The following NAA60 variants were observed in gnomAD, a reference collection of about 807,000 sequenced individuals.
NAA60 encodes the protein N-alpha-acetyltransferase 60, NatF catalytic subunit.
In NAA60, 8 loss-of-function variants were observed where a neutral mutation model predicts 26.1. The observed-to-expected ratio is 0.31, with a 90% CI of 0.18 to 0.55. The LOEUF is 0.55. Among genes scored for constraint, NAA60 ranks in the 20% least tolerant of loss-of-function variants. The probability of loss-of-function intolerance (pLI) is 0.93; values close to 1 mark genes in which losing one functional copy is unlikely to be tolerated. For missense variants in NAA60, 290 were observed against 311.3 expected, an observed-to-expected ratio of 0.93 and a Z score of 0.51; for synonymous variants, 131 against 122.5, an observed-to-expected ratio of 1.07 and a Z score of -0.46.
chr16:3,479,347 C>A, intron 3 of NAA60, 124 bp from the exon 4 acceptor site: 1 of 951,020 alleles, frequency 1.1e-6, no homozygotes, highest in Non-Finnish European at 1.6e-6. Flanking sequence ...TGGGCACACT[C>A]CTCGGCAGCC....
At chr16:3,457,910 C>CAG in intron 2 of NAA60, 1 of 392,256 alleles carries the variant, frequency 2.5e-6, no homozygotes, top group Non-Finnish European at 2.9e-6. Context: ...GGAGCCTGCC[C>CAG]GCTCCCAACC....
intron 2 of NAA60, among the ~76,000 whole-genome samples, chr16:3,470,561 G>A (rs569962021): frequency 2.6e-5 from 4 of 152,278 alleles, no homozygotes; most frequent in South Asian, 2.1e-4. Context: ...AGCCAGCTCC[G>A]TCTCTCTCTC....
chr16:3,454,037 G>C (rs1425982418), intron 2 of NAA60, among the ~76,000 whole-genome samples: 1 of 152,152 alleles, frequency 6.6e-6, no homozygotes, highest in Non-Finnish European at 1.5e-5. Context: ...GGGGATTGTC[G>C]GAAAGAGGCC....
intron 2 of NAA60, among the ~76,000 whole-genome samples, chr16:3,460,980 C>G (rs57410960): frequency 0.047 from 7,120 of 152,192 alleles, 524 homozygotes; most frequent in African/African-American, 0.16. Context: ...ATCACCCGGG[C>G]TGGTCTCAAA....
intron 2 of NAA60, among the ~76,000 whole-genome samples, chr16:3,474,250 G>T (rs951734094): frequency 1.3e-5 from 2 of 152,334 alleles, no homozygotes; most frequent in East Asian, 1.9e-4. Context: ...TGCTGGCCCT[G>T]TCCCAGGTCA....
intron 5 of NAA60, 182 bp downstream of exon 5, chr16:3,482,780 A>G (rs997425988): frequency 8.0e-6 from 5 of 623,898 alleles, no homozygotes; most frequent in African/African-American, 3.6e-5. Context: ...CTCCCCTGCC[A>G]GCACACCCAC....
At chr16:3,471,931 G>A (rs376868270) in intron 2 of NAA60, among the ~76,000 whole-genome samples, 1 of 152,148 alleles carries the variant, frequency 6.6e-6, no homozygotes, top group African/African-American at 2.4e-5. Flanking sequence ...TGCCTTGTCC[G>A]TCGATGTTGT....
chr16:3,452,916 C>T (rs1400479763), intron 2 of NAA60, among the ~76,000 whole-genome samples: 1 of 152,146 alleles, frequency 6.6e-6, no homozygotes, highest in East Asian at 1.9e-4. Context: ...GATCATGCCA[C>T]TGCACTCCAA....
Position 3,484,786 on chromosome 16 carries a change from G to T in NAA60, c.660G>T (p.Leu220=). 2 of 1,585,540 alleles carry T rather than the reference G, an allele frequency of 1.3e-6. No individual in the cohort carries two copies. The highest frequency in any genetic ancestry group is 1.7e-6 in the Non-Finnish European group (2 of 1,166,924). ...PHRVYRQAHS[L]LCSFLPWSGI... ...GAGTCTACCGCCAGGCCCACAGCCT[G>T]CTCTGCAGCTTCCTGCCATGGTCGG... Residue 220 remains leucine, a synonymous_variant, in exon 7 of 8, where the codon CTG becomes CTT. Coordinates refer to ENST00000407558, the MANE Select transcript of NAA60 (RefSeq NM_001083601.3).
chr16:3,445,661 A>G (rs1001892362), intron 1 of NAA60, among the ~76,000 whole-genome samples: 1 of 152,128 alleles, frequency 6.6e-6, no homozygotes, highest in Non-Finnish European at 1.5e-5. Context: ...ACCAAGAACA[A>G]GAGACTCCCG....
intron 2 of NAA60, among the ~76,000 whole-genome samples, chr16:3,450,580 G>A (rs897679942): frequency 9.9e-5 from 15 of 151,744 alleles, no homozygotes; most frequent in Non-Finnish European, 1.9e-4. Flanking sequence ...GGCACCTGTG[G>A]TCCCAGCTAC....
chr16:3,443,630 C>T, upstream of NAA60: 1 of 995,256 alleles, frequency 1.0e-6, no homozygotes, highest in South Asian at 2.0e-5. Context: ...CCTGTAGCCA[C>T]TGGGCAGCTG....
intron 6 of NAA60, 86 bp from the exon 7 acceptor site, chr16:3,484,613 C>T: frequency 6.6e-7 from 1 of 1,504,576 alleles, no homozygotes. Context: ...GCACACAGTC[C>T]CACAGGCCAC....
chr16:3,469,989 C>A (rs940215982), intron 2 of NAA60, among the ~76,000 whole-genome samples: 2 of 152,214 alleles, frequency 1.3e-5, no homozygotes, highest in Non-Finnish European at 2.9e-5. Flanking sequence ...CTCTGTGCGC[C>A]GGGCCTGCTG....
rs984984709 is a variant in NAA60, at chr16:3,479,766, T to TGC, written c.240+167_240+168insCG. On this transcript the variant is annotated intron_variant, in intron 4 of 7. Transcript: ENST00000407558. ...CTTGTCCCTGGCTGGTGCTTTTCTG[T>TGC]GTGTGTGTGTGTGTGATTTCATGGT... Among the ~76,000 whole-genome samples, 70 of 151,100 alleles carry TGC rather than the reference T, an allele frequency of 4.6e-4. 1 individual carries two copies. Among genetic ancestry groups the TGC allele is most frequent in the Non-Finnish European group, 8.3e-4 (56 of 67,624 alleles).
chr16:3,478,449 C>T (rs1341331779), intron 3 of NAA60, among the ~76,000 whole-genome samples: 2 of 152,158 alleles, frequency 1.3e-5, no homozygotes, highest in East Asian at 3.8e-4. Context: ...TCTCAGGTTC[C>T]CAAGACTGTG....
intron 2 of NAA60, among the ~76,000 whole-genome samples, chr16:3,449,816 C>T (rs773339658): frequency 4.6e-5 from 7 of 152,124 alleles, no homozygotes; most frequent in Non-Finnish European, 8.8e-5. Context: ...GAATAAGTCT[C>T]ACGAGATCTA....
chr16:3,452,947 C>T (rs2034843416), intron 2 of NAA60, among the ~76,000 whole-genome samples: 1 of 151,734 alleles, frequency 6.6e-6, no homozygotes, highest in African/African-American at 2.4e-5. Flanking sequence ...AGAGTGAGAC[C>T]TTGTCTCAAA....
At chr16:3,459,503 A>G (rs553664348) in intron 2 of NAA60, among the ~76,000 whole-genome samples, 10 of 152,362 alleles carry the variant, frequency 6.6e-5, no homozygotes, top group African/African-American at 2.4e-4. Flanking sequence ...AGTCCCAGTT[A>G]TCTTTCCAAA....
Sources: allele counts gnomAD v4.1 joint callset (sites outside exome capture counted in the v4.1 genomes callset), GRCh38; gene constraint gnomAD v4.1.1; transcripts MANE v1.5; gene names NCBI Gene and HGNC (gene_info 2026-07-23, HGNC 2026-07-21).